Variants in SEC14L1 observed in about 807,000 individuals in gnomAD.
SEC14L1 encodes the protein SEC14 like lipid binding 1.
A neutral mutation model predicts 85.3 loss-of-function variants in SEC14L1; 48 were observed. The observed-to-expected ratio is 0.56, with a 90% CI of 0.45 to 0.72. SEC14L1 has a LOEUF of 0.72. Ranked by LOEUF, SEC14L1 falls within the 30% of genes least tolerant of loss-of-function variation. SEC14L1 has a pLI of 0.00. For missense variants in SEC14L1, 682 were observed against 921.4 expected (o/e 0.74, Z 3.36); for synonymous variants, 391 against 355.5 (o/e 1.10, Z -1.12).
intron 1 of SEC14L1, chr17:77,141,796 T>A (rs2143504690): frequency 6.6e-6 from 1 of 152,346 alleles, no homozygotes; most frequent in Admixed American, 6.5e-5. Context: ...CATTACGCTT[T>A]TTTGCTTCTT....
chr17:77,137,114 G>A (rs374102651), upstream of SEC14L1, among the ~76,000 whole-genome samples: 2 of 152,032 alleles, frequency 1.3e-5, no homozygotes, highest in South Asian at 2.1e-4. Flanking sequence ...TCTCCATATT[G>A]GTCAGGTTGG....
chr17:77,118,908 C>T lies in SEC14L1; in HGVS notation c.-135-23738C>T, dbSNP rs139582298. 1.7e-3 allele frequency among the ~76,000 whole-genome samples: 252 copies of T among 152,274 alleles called. 3 individuals are homozygous for T. The highest frequency in any genetic ancestry group is 6.8e-3 in the Middle Eastern group (2 of 294). ...CCAGAAACCATCCCACCACCTTCAGCGGGATGAAGGAAGCCCTGGCTTTGC... is the reference window on the plus strand; with the variant it reads ...CCAGAAACCATCCCACCACCTTCAGTGGGATGAAGGAAGCCCTGGCTTTGC... On this transcript the variant is annotated intron_variant, in intron 3 of 19. Transcript: ENST00000392476.
chr17:77,203,583 C>G lies in SEC14L1; in HGVS notation c.1023C>G (p.Leu341=). The stretch of plus-strand genomic sequence containing the variant: ...CCTCCTCTGCAGATGGGCGGCCCCT[C>G]TACGTGCTCAGGCTGGGGCAGATGG... The part of the protein sequence containing the change: ...WHHHDKDGRP[L]YVLRLGQMDT... The change falls in exon 10 of 17, where the codon CTC becomes CTG. Residue 341 remains leucine (L), a synonymous_variant. Transcript: ENST00000436233. The G allele has an allele frequency of 6.2e-7, 1 of 1,613,692 alleles. No individual in the cohort carries two copies. The highest frequency in any genetic ancestry group is 8.5e-7 in the Non-Finnish European group (1 of 1,179,876).
At position 77,143,531 on chromosome 17, in the gene SEC14L1, T is replaced by C. The variant is rs185972476; in HGVS notation, c.-30-36T>C. ...GACTTACTAATAATTTGTTTCTGCA[T>C]TGTGGTTACTTATCACATATATTTA... On this transcript the variant is annotated intron_variant, in intron 2 of 16. Transcript: ENST00000436233. 1.6e-4 allele frequency: 205 copies of C among 1,314,490 alleles called. 1 individual carries two copies. In the African/African-American group the frequency reaches 2.7e-3, roughly 17 times the overall value. The allele number at this position is 1,314,490 out of a possible 1,614,324, so 81.4% of individuals were successfully genotyped here. A position where few individuals can be genotyped will look rare whatever the true frequency, so the allele number is the denominator to read the frequency against.
intron 3 of SEC14L1, among the ~76,000 whole-genome samples, chr17:77,172,748 A>G (rs549088002): frequency 6.6e-6 from 1 of 152,282 alleles, no homozygotes; most frequent in South Asian, 2.1e-4. Flanking sequence ...GAGCCTTTCT[A>G]AGAACTCTGT....
At chr17:77,089,411 CT>C in intron 2 of SEC14L1, 1 of 519,100 alleles carries the variant, frequency 1.9e-6, no homozygotes, top group Non-Finnish European at 3.8e-6. Context: ...CGGAAGAAGT[CT>C]TTCCTGGGTT....
chr17:77,186,086 T>C lies in SEC14L1; in HGVS notation c.64-4717T>C, dbSNP rs115557776. Among the ~76,000 whole-genome samples the C allele has an allele frequency of 9.3e-3, 1,413 of 152,322 alleles. 28 individuals are homozygous for C. The highest frequency in any genetic ancestry group is 0.031 in the African/African-American group (1,273 of 41,566). ...GTTTTGCATCCTTTCCAGACCATCC[T>C]GCGCATGAGTCTCTTATTAATTTTC... is the stretch of plus-strand genomic sequence containing the variant. On this transcript the variant is annotated intron_variant, in intron 3 of 16. Transcript: ENST00000436233.
At position 77,213,531 on chromosome 17, in the gene SEC14L1, T is replaced by TG. The variant is rs1428616551; in HGVS notation, c.2042+42dup. On this transcript the variant is annotated intron_variant, in intron 16 of 16. Transcript: ENST00000436233. This position sits in a 1 kb window ranked among gnomAD's most constrained non-coding sequence, Gnocchi z 7.1. ...CGCCACAGCAGGTGCTGCGGACAGCTGGGCATGGTTGGAGGGAGCCTGCAG... is the reference window on the plus strand; with the variant it reads ...CGCCACAGCAGGTGCTGCGGACAGCTGGGGCATGGTTGGAGGGAGCCTGCAG... The TG allele has an allele frequency of 1.3e-6, 2 of 1,599,006 alleles. No homozygotes were observed. Among genetic ancestry groups the TG allele is most frequent in the Admixed American group, 3.3e-5 (2 of 59,940 alleles).
chr17:77,125,664 A>T (rs940493742), intron 3 of SEC14L1, among the ~76,000 whole-genome samples: 1 of 152,192 alleles, frequency 6.6e-6, no homozygotes, highest in African/African-American at 2.4e-5. Context: ...GCTCAGTAGG[A>T]TGTCCCAGGA....
chr17:77,173,310 C>G (rs1218582977), intron 3 of SEC14L1, among the ~76,000 whole-genome samples: 2 of 149,076 alleles, frequency 1.3e-5, no homozygotes, highest in Non-Finnish European at 3.0e-5. Context: ...GGGGAGGGCC[C>G]TGAGGCTGGG....
intron 3 of SEC14L1, among the ~76,000 whole-genome samples, chr17:77,188,177 A>G (rs1414001088): frequency 6.6e-6 from 1 of 152,234 alleles, no homozygotes; most frequent in East Asian, 1.9e-4. Context: ...CCCCAGTGAT[A>G]ACGTCTTGCA....
chr17:77,141,595 TC>T (rs908687304), intron 1 of SEC14L1: 3 of 152,136 alleles, frequency 2.0e-5, no homozygotes, highest in African/African-American at 7.2e-5. Flanking sequence ...ATGGAGGCCG[TC>T]CGGCTCCTGG....
At chr17:77,209,498 A>G in intron 14 of SEC14L1, 22 bp downstream of exon 14, 2 of 1,610,954 alleles carry the variant, frequency 1.2e-6, no homozygotes, top group Non-Finnish European at 8.5e-7. Flanking sequence ...GCCTTCCTGC[A>G]CCTGGGCCGG....
chr17:77,101,082 G>C (rs983085516), intron 3 of SEC14L1, among the ~76,000 whole-genome samples: 3 of 152,132 alleles, frequency 2.0e-5, no homozygotes, highest in African/African-American at 7.2e-5. Flanking sequence ...TCCCAATCTT[G>C]CCAGTCTCTA....
intron 13 of SEC14L1, among the ~76,000 whole-genome samples, chr17:77,207,324 G>A (rs1399545165): frequency 6.6e-6 from 1 of 150,404 alleles, no homozygotes; most frequent in Admixed American, 6.7e-5. Flanking sequence ...CTGACTTGGT[G>A]GGCTCAGGTG....
upstream of SEC14L1, among the ~76,000 whole-genome samples, chr17:77,138,686 G>T (rs142096050): frequency 6.6e-6 from 1 of 152,116 alleles, no homozygotes; most frequent in Admixed American, 6.6e-5. Context: ...GTAGCCAGGC[G>T]TGGTGGCACA....
Position 77,195,105 on chromosome 17 carries a change from TG to T in SEC14L1, c.709+195del, listed in dbSNP as rs570013729. On this transcript the variant is annotated intron_variant, in intron 7 of 16. Coordinates refer to ENST00000436233, the MANE Select transcript of SEC14L1 (RefSeq NM_001143998.2). Reference sequence around the variant, plus strand: ...TCATTTTACCTTTTATTAGATTTTTTGTTAATAGGAAGGATTATATCAAGTT... The same window carrying T: ...TCATTTTACCTTTTATTAGATTTTTTTTAATAGGAAGGATTATATCAAGTT... 78 of 577,418 alleles carry T rather than the reference TG, an allele frequency of 1.4e-4. 1 individual carries two copies. The South Asian group carries it at 1.5e-3, about 11-fold the overall frequency. 35.8% of individuals were successfully genotyped at this position (577,418 alleles called of 1,614,324 possible).
At chr17:77,098,184 T>A (rs1241444709) in intron 3 of SEC14L1, among the ~76,000 whole-genome samples, 2 of 152,198 alleles carry the variant, frequency 1.3e-5, no homozygotes, top group East Asian at 3.8e-4. Context: ...TTCCCTCTAA[T>A]GGTAGTTTAC....
At chr17:77,089,033 C>T in intron 1 of SEC14L1, 1 of 186,166 alleles carries the variant, frequency 5.4e-6, no homozygotes, top group South Asian at 7.3e-5. Context: ...TAGGGAGGCC[C>T]CGTAGCCAGC....
Sources: gnomAD v4.1 joint callset for allele counts (sites outside exome capture counted in the v4.1 genomes callset) on GRCh38, gnomAD v4.1.1 for gene constraint, Gnocchi (gnomAD v3.1) non-coding constraint, MANE v1.5 for transcripts, NCBI Gene and HGNC (gene_info 2026-07-23, HGNC 2026-07-21) for gene names.